The following DMBT1 variants were observed in gnomAD, a reference collection of about 807,000 sequenced individuals.
DMBT1 encodes the protein deleted in malignant brain tumors 1, also known as scavenger receptor cysteine-rich domain-containing protein DMBT1.
A neutral mutation model predicts 252.9 loss-of-function variants in DMBT1; 198 were observed. That is an observed-to-expected ratio of 0.78 (90% confidence interval 0.70 to 0.88). DMBT1 has a LOEUF of 0.88. Ranked by LOEUF, DMBT1 falls within the 40% of genes least tolerant of loss-of-function variation. The probability of loss-of-function intolerance (pLI) is 0.00; values close to 1 mark genes in which losing one functional copy is unlikely to be tolerated. For synonymous variants in DMBT1, 990 were observed against 942.7 expected (o/e 1.05, Z -0.92); for missense variants, 2,432 against 2,404.7 (o/e 1.01, Z -0.24).
At chr10:122,627,736 G>C (rs1249517039) in intron 46 of DMBT1, among the ~76,000 whole-genome samples, 1 of 152,158 alleles carries the variant, frequency 6.6e-6, no homozygotes, top group Admixed American at 6.5e-5. Flanking sequence ...GGGAGGGCAG[G>C]CCACATGATC....
intron 53 of DMBT1, 107 bp downstream of exon 53, chr10:122,636,306 G>A (rs2098226665): frequency 4.8e-6 from 5 of 1,041,398 alleles, no homozygotes; most frequent in Non-Finnish European, 7.1e-6. Flanking sequence ...AACCCTTTCA[G>A]GTCACCAGGG....
Position 122,600,056 on chromosome 10 carries a change from T to A in DMBT1, c.3281-8T>A. 1 of 1,607,886 alleles carries A rather than the reference T, an allele frequency of 6.2e-7. No individual in the cohort carries two copies. Among genetic ancestry groups the A allele is most frequent in the Non-Finnish European group, 8.5e-7 (1 of 1,178,344 alleles). ...TCCTGATCTGACCTTCTCTTCTCTT[T>A]CTCACAGCTTCCCAGTCCCGGCCAA... On this transcript the variant is annotated splice_region_variant and splice_polypyrimidine_tract_variant and intron_variant, in intron 26 of 55. Transcript: ENST00000338354.
rs183398099 is a variant in DMBT1 at position 122,635,877 on chromosome 10, C to T, written c.6549-114C>T. 111 of 1,135,410 alleles carry T rather than the reference C, an allele frequency of 9.8e-5. 1 individual carries two copies. The East Asian group carries it at 1.5e-3, about 15-fold the overall frequency. 70.3% of individuals were successfully genotyped at this position (1,135,410 alleles called of 1,614,324 possible). On this transcript the variant is annotated intron_variant, in intron 52 of 55. Coordinates refer to ENST00000338354, the MANE Select transcript of DMBT1 (RefSeq NM_001377530.1). ...AGCCAAGGAGACCTATGACTTTCAT[C>T]GATGAACTTTGTCAGAGTTTCTGGC...
At chr10:122,600,042 C>CCTTCT in intron 26 of DMBT1, 22 bp from the exon 27 acceptor site, 1 of 1,607,796 alleles carries the variant, frequency 6.2e-7, no homozygotes. Context: ...CCTGATCTGA[C>CCTTCT]CTTCTCTTCT....
chr10:122,622,741 T>C (rs564052377), intron 44 of DMBT1, among the ~76,000 whole-genome samples: 118 of 152,302 alleles, frequency 7.7e-4, no homozygotes, highest in Non-Finnish European at 1.5e-3. Context: ...TTGTGTTCCT[T>C]TGGGGCGACG....
At chr10:122,617,918 G>A in intron 40 of DMBT1, 99 bp from the exon 41 acceptor site, 2 of 1,560,706 alleles carry the variant, frequency 1.3e-6, no homozygotes, top group Non-Finnish European at 1.7e-6. Flanking sequence ...GCTTGCCCAG[G>A]TGACTCTGGC....
At chr10:122,570,346 C>T (rs2097649815) in intron 3 of DMBT1, 137 bp downstream of exon 3, 1 of 795,018 alleles carries the variant, frequency 1.3e-6, no homozygotes, top group Non-Finnish European at 2.1e-6. Context: ...TGAACCCAGG[C>T]TACAATGCCT....
rs2098016024 is a variant in DMBT1, at chr10:122,618,081, G to A, written c.4956G>A (p.Glu1652=). ...GTGACAGGTGTCGAGGCCGAGTGGA[G>A]GTCCTATACCAAGGCTCCTGGGGCA... ...NGGDRCRGRV[E]VLYQGSWGTV... is the part of the protein sequence containing the mutation. The change falls in exon 41 of 56, where the codon GAG becomes GAA. Residue 1652 remains glutamate, a synonymous_variant. Coordinates refer to ENST00000338354, the MANE Select transcript of DMBT1 (RefSeq NM_001377530.1). 3 of 1,613,714 alleles carry A rather than the reference G, an allele frequency of 1.9e-6. No homozygotes were observed. Among genetic ancestry groups the A allele is most frequent in the African/African-American group, 1.3e-5 (1 of 74,902 alleles).
chr10:122,591,617 T>G, intron 19 of DMBT1, 100 bp downstream of exon 19: 1 of 1,296,044 alleles, frequency 7.7e-7, no homozygotes, highest in East Asian at 2.5e-5. Context: ...GGCCCCTGTC[T>G]TTTTCACATC....
chr10:122,617,938 G>T (rs1451440999), intron 40 of DMBT1, 79 bp from the exon 41 acceptor site: 1 of 1,589,444 alleles, frequency 6.3e-7, no homozygotes, highest in African/African-American at 1.4e-5. Context: ...CCATTAGGAA[G>T]TACCCTGAGT....
In DMBT1 at chr10:122,578,719, A is replaced by G. The variant is rs2097735525; in HGVS notation, c.639A>G (p.Glu213=). The G allele has an allele frequency of 6.2e-7, 1 of 1,608,652 alleles. No homozygotes were observed. The highest frequency in any genetic ancestry group is 8.5e-7 in the Non-Finnish European group (1 of 1,177,184). Residue 213 remains glutamate (E), a splice_region_variant and synonymous_variant, in exon 9 of 56, where the codon GAA becomes GAG. Coordinates refer to ENST00000338354, the MANE Select transcript of DMBT1 (RefSeq NM_001377530.1). The part of the protein sequence containing the change: ...AAQPQSTLRP[E]SWPVRISPPV... The stretch of plus-strand genomic sequence containing the variant: ...CTTTCTCTTTGTTGCTGTTTACAGA[A>G]AGTTGGCCTGTCAGGATATCACCAC...
At chr10:122,624,728 C>T (rs949977438) in intron 44 of DMBT1, among the ~76,000 whole-genome samples, 2 of 152,178 alleles carry the variant, frequency 1.3e-5, no homozygotes, top group African/African-American at 4.8e-5. Context: ...GGGCTCAGGA[C>T]CCATTGTCCT....
At chr10:122,566,697 T>A (rs1347037422) in intron 2 of DMBT1, among the ~76,000 whole-genome samples, 1 of 152,230 alleles carries the variant, frequency 6.6e-6, no homozygotes, top group South Asian at 2.1e-4. Context: ...ATAAAATGAT[T>A]TTCATGTATG....
rs759252739 is a variant in DMBT1 at position 122,630,440 on chromosome 10, T to A, written c.5975T>A (p.Ile1992Asn). The change falls in exon 48 of 56, where the codon ATC (isoleucine) becomes AAC (asparagine). Residue 1992 changes from isoleucine to asparagine, a missense_variant. By Grantham distance (149) the Ile-to-Asn change is moderately radical (BLOSUM62 -3). This residue lies in a region of DMBT1 where 1,162 missense variants were observed against 1,169.0 expected (regional missense o/e 0.99). Transcript: ENST00000338354. Reference sequence around the variant, plus strand: ...ATGACCATTCACTTTCGAAGTGACATCAGTTTCCAAAACACTGGCTTTTTG... The same window carrying A: ...ATGACCATTCACTTTCGAAGTGACAACAGTTTCCAAAACACTGGCTTTTTG... ...NRMTIHFRSDISFQNTGFLAW... is the reference protein window; with the variant it reads ...NRMTIHFRSDNSFQNTGFLAW... The A allele has an allele frequency of 1.9e-6, 3 of 1,613,866 alleles. No individual in the cohort carries two copies. The highest frequency in any genetic ancestry group is 2.5e-6 in the Non-Finnish European group (3 of 1,179,900).
chr10:122,636,376 A>T (rs2098227136), intron 53 of DMBT1, among the ~76,000 whole-genome samples, 177 bp downstream of exon 53: 1 of 152,240 alleles, frequency 6.6e-6, no homozygotes, highest in Non-Finnish European at 1.5e-5. Context: ...GCTGCCCAGA[A>T]ATAAAGTCAG....
chr10:122,570,802 C>A (rs2097654753), intron 3 of DMBT1, 88 bp from the exon 4 acceptor site: 1 of 1,473,382 alleles, frequency 6.8e-7, no homozygotes, highest in Non-Finnish European at 9.5e-7. Context: ...GTGTTTCCAG[C>A]CCTTGCTTCA....
In DMBT1 at chr10:122,581,475, G is replaced by A. The variant is rs1372979229; in HGVS notation, c.1034-318G>A. Among the ~76,000 whole-genome samples, 8 of 149,904 alleles carry A rather than the reference G, an allele frequency of 5.3e-5. 1 individual carries two copies. The highest frequency in any genetic ancestry group is 7.5e-5 in the African/African-American group (3 of 39,930). ...CCTAACATTTTACCTGGCAGTGTCC[G>A]AGCTTCAGCAATGGCGTCTGATGTC... On this transcript the variant is annotated intron_variant, in intron 11 of 55. Coordinates refer to ENST00000338354, the MANE Select transcript of DMBT1 (RefSeq NM_001377530.1).
At chr10:122,566,475 C>G (rs1020937424) in intron 2 of DMBT1, among the ~76,000 whole-genome samples, 2 of 151,922 alleles carry the variant, frequency 1.3e-5, no homozygotes, top group African/African-American at 4.8e-5. Flanking sequence ...CCACGCCCAG[C>G]TAATTTTTGT....
In DMBT1 at chr10:122,630,398, C is replaced by T. The variant is rs746144599; in HGVS notation, c.5933C>T (p.Thr1978Ile). The change falls in exon 48 of 56, where the codon ACA becomes ATA. Residue 1978 changes from threonine (T) to isoleucine (I), a missense_variant. Physicochemically the swap from Thr to Ile is moderately conservative, Grantham distance 89. Transcript: ENST00000338354. ...KICNDTRQIF[T>I]SSYNRMTIHF... ...TGTAATGATACCAGGCAAATATTTA[C>T]ATCTTCTTACAACCGAATGACCATT... 2.5e-6 allele frequency: 4 copies of T among 1,614,014 alleles called. No individual in the cohort carries two copies. The East Asian group carries it at 8.9e-5, about 36-fold the overall frequency.
Sources: allele counts gnomAD v4.1 joint callset (sites outside exome capture counted in the v4.1 genomes callset), GRCh38; gene constraint gnomAD v4.1.1; regional missense constraint gnomAD v4.1.1; transcripts MANE v1.5; gene names NCBI Gene and HGNC (gene_info 2026-07-23, HGNC 2026-07-21).